Variants in THSD7A observed in about 807,000 individuals in gnomAD.
THSD7A encodes thrombospondin type 1 domain containing 7A, also known as thrombospondin type-1 domain-containing protein 7A.
In THSD7A, 96 loss-of-function variants were observed where a neutral mutation model predicts 231.3. The observed-to-expected ratio is 0.41, with a 90% CI of 0.35 to 0.49. THSD7A has a LOEUF of 0.49. THSD7A is among the 20% of genes least tolerant of loss of function. The pLI is 0.05. For synonymous variants in THSD7A, 940 were observed against 743.3 expected, an observed-to-expected ratio of 1.26 and a Z score of -4.30; for missense variants, 2,290 against 2,070.2, an observed-to-expected ratio of 1.11 and a Z score of -2.06.
intron 6 of THSD7A, among the ~76,000 whole-genome samples, chr7:11,504,696 A>G (rs142697828): frequency 3.5e-3 from 527 of 152,186 alleles, no homozygotes; most frequent in Non-Finnish European, 5.3e-3. Flanking sequence ...CTTGGGCCAA[A>G]TTTTTCATGA....
chr7:11,738,070 T>A (rs1452688672), intron 1 of THSD7A, among the ~76,000 whole-genome samples: 3 of 151,938 alleles, frequency 2.0e-5, no homozygotes, highest in Non-Finnish European at 2.9e-5. Context: ...TTGATATGGT[T>A]TATCTTTTCT....
chr7:11,640,359 C>A (rs1782035709), intron 1 of THSD7A, among the ~76,000 whole-genome samples: 1 of 152,096 alleles, frequency 6.6e-6, no homozygotes, highest in Non-Finnish European at 1.5e-5. Context: ...TGGATAAAGA[C>A]AAAATGTGCT....
chr7:11,442,773 C>T (rs546431537), intron 13 of THSD7A, among the ~76,000 whole-genome samples: 1 of 151,960 alleles, frequency 6.6e-6, no homozygotes, highest in Non-Finnish European at 1.5e-5. Flanking sequence ...TTGGACATTC[C>T]GTCAGATACC....
intron 6 of THSD7A, among the ~76,000 whole-genome samples, chr7:11,515,853 A>T (rs1347720702): frequency 6.6e-6 from 1 of 152,204 alleles, no homozygotes; most frequent in East Asian, 1.9e-4. Context: ...ACTGAGAAGA[A>T]ACAAGGAGTA....
chr7:11,774,934 A>G (rs1783353464), intron 1 of THSD7A, among the ~76,000 whole-genome samples: 1 of 152,134 alleles, frequency 6.6e-6, no homozygotes, highest in South Asian at 2.1e-4. Flanking sequence ...ATGTGCCTGT[A>G]ATTCCAGCTA....
At chr7:11,434,178 G>T (rs1478617375) in intron 13 of THSD7A, among the ~76,000 whole-genome samples, 2 of 151,986 alleles carry the variant, frequency 1.3e-5, no homozygotes, top group African/African-American at 4.8e-5. Flanking sequence ...AAAACATTTA[G>T]AATGTTTTAA....
intron 11 of THSD7A, among the ~76,000 whole-genome samples, chr7:11,449,289 C>T (rs1031367881): frequency 2.0e-5 from 3 of 152,026 alleles, no homozygotes; most frequent in African/African-American, 7.2e-5. Flanking sequence ...TGCTATTAAA[C>T]ATGAAGATCC....
chr7:11,530,429 T>G (rs1788656575), intron 6 of THSD7A, among the ~76,000 whole-genome samples: 1 of 152,162 alleles, frequency 6.6e-6, no homozygotes, highest in African/African-American at 2.4e-5. Flanking sequence ...AAGGAATTAG[T>G]TATGGTTCAG....
rs147667101 is a variant in THSD7A at position 11,804,449 on chromosome 7, A to G, written c.190+27308T>C. 2.1e-3 allele frequency among the ~76,000 whole-genome samples: 316 copies of G among 152,314 alleles called. 2 individuals carry two copies. The highest frequency in any genetic ancestry group is 0.016 in the East Asian group (82 of 5,192). On this transcript the variant is annotated intron_variant, in intron 1 of 27. Transcript: ENST00000423059. ...GTTTTCTATAAACAACAACAAAAAGAACACACTTCTTGATACAAATAGACG... is the reference window on the plus strand; with the variant it reads ...GTTTTCTATAAACAACAACAAAAAGGACACACTTCTTGATACAAATAGACG...
intron 13 of THSD7A, among the ~76,000 whole-genome samples, chr7:11,436,815 G>A (rs1004268608): frequency 1.3e-5 from 2 of 151,790 alleles, no homozygotes; most frequent in Non-Finnish European, 2.9e-5. Flanking sequence ...GTCAAACATG[G>A]ATAAACTAGC....
Position 11,401,157 on chromosome 7 carries a change from TTTAA to T in THSD7A, c.4411+634_4411+637del, listed in dbSNP as rs72163610. ...CTTTGCTGTGGATTTGTAATTTTTA[TTTAA>T]TTGTGTCATTTGATTTAAATAAATT... is the stretch of plus-strand genomic sequence containing the variant. On this transcript the variant is annotated intron_variant, in intron 23 of 27. Coordinates refer to ENST00000423059, the MANE Select transcript of THSD7A (RefSeq NM_015204.3). 8.7e-3 allele frequency among the ~76,000 whole-genome samples: 1,321 copies of T among 152,296 alleles called. 26 individuals are homozygous for T. The highest frequency in any genetic ancestry group is 0.03 in the African/African-American group (1,239 of 41,564).
At chr7:11,817,029 T>G (rs949280710) in intron 1 of THSD7A, among the ~76,000 whole-genome samples, 1 of 152,184 alleles carries the variant, frequency 6.6e-6, no homozygotes, top group Non-Finnish European at 1.5e-5. Flanking sequence ...TACAAATAAA[T>G]GGGTTGTAAT....
At chr7:11,387,067 T>C (rs1195308727) in intron 23 of THSD7A, among the ~76,000 whole-genome samples, 8 of 152,212 alleles carry the variant, frequency 5.3e-5, no homozygotes. Flanking sequence ...TCCATTGGTC[T>C]ATATATCTGT....
intron 1 of THSD7A, among the ~76,000 whole-genome samples, chr7:11,761,897 C>T (rs571181157): frequency 1.3e-5 from 2 of 152,150 alleles, no homozygotes; most frequent in Non-Finnish European, 2.9e-5. Flanking sequence ...TCAACACTTG[C>T]CTGCCTCCCT....
At chr7:11,544,110 G>A (rs1470929916) in intron 4 of THSD7A, among the ~76,000 whole-genome samples, 3 of 152,096 alleles carry the variant, frequency 2.0e-5, no homozygotes, top group African/African-American at 4.8e-5. Context: ...TTGGGAGGAC[G>A]AGGTGGGCAG....
chr7:11,534,245 A>T (rs1481827690), intron 6 of THSD7A, among the ~76,000 whole-genome samples: 2 of 152,210 alleles, frequency 1.3e-5, no homozygotes, highest in Non-Finnish European at 2.9e-5. Flanking sequence ...AATTCTTTGC[A>T]ATATATTCCA....
At position 11,424,772 on chromosome 7, in the gene THSD7A, G is replaced by C; in HGVS notation, c.3307C>G (p.Pro1103Ala). 1 of 1,613,984 alleles carries C rather than the reference G, an allele frequency of 6.2e-7. No individual in the cohort carries two copies. Among genetic ancestry groups the C allele is most frequent in the East Asian group, 2.2e-5 (1 of 44,872 alleles). ...DCNQYLWVTE[P>A]WSICKVTFVN... ...AAGGTCACCTTGCAGATGCTCCAGG[G>C]CTCTGTGACCCATAGGTACTGGTTG... The change falls in exon 16 of 28, where the codon CCC becomes GCC. Residue 1103 changes from proline to alanine, a missense_variant. Physicochemically the swap from Pro to Ala is conservative, Grantham distance 27. Coordinates refer to ENST00000423059, the MANE Select transcript of THSD7A (RefSeq NM_015204.3).
intron 9 of THSD7A, 31 bp from the exon 10 acceptor site, chr7:11,462,174 C>G (rs2128298567): frequency 1.9e-6 from 3 of 1,609,940 alleles, no homozygotes; most frequent in African/African-American, 2.7e-5. Context: ...AACCTCTGTA[C>G]TTTACACTGA....
At chr7:11,490,289 A>G (rs1299382246) in intron 6 of THSD7A, among the ~76,000 whole-genome samples, 7 of 152,146 alleles carry the variant, frequency 4.6e-5, no homozygotes, top group Admixed American at 3.9e-4. Flanking sequence ...ATGAAAATTT[A>G]GGGCTAAATC....
Sources: allele counts gnomAD v4.1 joint callset (sites outside exome capture counted in the v4.1 genomes callset), GRCh38; gene constraint gnomAD v4.1.1; transcripts MANE v1.5; gene names NCBI Gene and HGNC (gene_info 2026-07-23, HGNC 2026-07-21).